ABCC4: variants seen among roughly 807,000 people sequenced by gnomAD.
ABCC4 encodes ATP binding cassette subfamily C member 4 (PEL blood group), also known as ATP-binding cassette sub-family C member 4.
In ABCC4, 102 loss-of-function variants were observed where a neutral mutation model predicts 168.5. The observed-to-expected ratio is 0.61, with a 90% CI of 0.52 to 0.71. The LOEUF is 0.71. Ranked by LOEUF, ABCC4 falls within the 30% of genes least tolerant of loss-of-function variation. ABCC4 has a pLI of 0.00. For synonymous variants in ABCC4, 617 were observed against 590.7 expected (o/e 1.04, Z -0.65); for missense variants, 1,402 against 1,605.8 (o/e 0.87, Z 2.17).
Position 95,034,674 on chromosome 13 carries a change from G to C in ABCC4, c.3801C>G (p.Ser1267Arg). ...GTTGTTGCACCATCTTGTAAAATAG[G>C]CTCTCTTTATTTTGCAGCAAAACAT... Reference protein sequence around the residue: ...EPYVLLQNKESLFYKMVQQLG... With the variant: ...EPYVLLQNKERLFYKMVQQLG... The change falls in exon 30 of 31, where the codon AGC (serine) becomes AGG (arginine). Residue 1267 changes from serine (S) to arginine (R), a missense_variant. Ser to Arg is a moderately radical substitution (Grantham distance 110). Coordinates refer to ENST00000645237, the MANE Select transcript of ABCC4 (RefSeq NM_005845.5). 2 of 1,614,174 alleles carry C rather than the reference G, an allele frequency of 1.2e-6. No homozygotes were observed. The highest frequency in any genetic ancestry group is 1.7e-6 in the Non-Finnish European group (2 of 1,180,036).
chr13:95,253,694 G>A (rs188819974), intron 1 of ABCC4, among the ~76,000 whole-genome samples: 29 of 151,630 alleles, frequency 1.9e-4, no homozygotes, highest in African/African-American at 6.3e-4. Context: ...GCAGTGAGCC[G>A]AGACTGCACA....
chr13:95,240,055 A>AG (rs919553520), intron 3 of ABCC4, among the ~76,000 whole-genome samples: 3 of 152,156 alleles, frequency 2.0e-5, no homozygotes, highest in South Asian at 2.1e-4. Context: ...CAAAGGGAGG[A>AG]GGGGGGAAAA....
At chr13:95,036,120 A>T (rs959970608) in intron 29 of ABCC4, among the ~76,000 whole-genome samples, 4 of 152,358 alleles carry the variant, frequency 2.6e-5, no homozygotes, top group African/African-American at 7.2e-5. Context: ...TTACTTAAGC[A>T]TAGCATTACA....
At chr13:95,159,656 G>A (rs147739726) in intron 19 of ABCC4, among the ~76,000 whole-genome samples, 91 of 152,308 alleles carry the variant, frequency 6.0e-4, no homozygotes, top group African/African-American at 1.3e-3. Context: ...GCAAAGTGGC[G>A]CAACGTTACA....
At position 95,172,422 on chromosome 13, in the gene ABCC4, T is replaced by C. The variant is rs558075646; in HGVS notation, c.1728-1794A>G. ...CCCATCTCCACTAAAAATACAAAAA[T>C]TAGCTGGATGTGGTCACCCATGCCT... On this transcript the variant is annotated intron_variant, in intron 13 of 30. Coordinates refer to ENST00000645237, the MANE Select transcript of ABCC4 (RefSeq NM_005845.5). Among the ~76,000 whole-genome samples, 4 of 151,966 alleles carry C rather than the reference T, an allele frequency of 2.6e-5. No homozygotes were observed. In the East Asian group the frequency reaches 7.7e-4, roughly 29 times the overall value.
Position 95,083,271 on chromosome 13 carries a change from C to G in ABCC4, c.2555G>C (p.Gly852Ala). ...CACGGCCACAGCCACAGAGACCACA[C>G]CAACCACTTGTAGCAATGTCTGAAA... ...DFIQTLLQVV[G>A]VVSVAVAVIP... The change falls in exon 21 of 31, where the codon GGT becomes GCT. Residue 852 changes from glycine to alanine, a missense_variant. By Grantham distance (60) the Gly-to-Ala change is moderately conservative. Around this residue, in one of 3 missense-constraint regions of ABCC4, gnomAD observed 1,007 missense variants for 1,127.3 expected, o/e 0.89. Coordinates refer to ENST00000645237, the MANE Select transcript of ABCC4 (RefSeq NM_005845.5). 6.2e-7 allele frequency: 1 copy of G among 1,613,944 alleles called. No homozygotes were observed. The highest frequency in any genetic ancestry group is 8.5e-7 in the Non-Finnish European group (1 of 1,179,888).
At chr13:95,152,762 A>C (rs2036731117) in intron 19 of ABCC4, among the ~76,000 whole-genome samples, 1 of 152,178 alleles carries the variant, frequency 6.6e-6, no homozygotes, top group Non-Finnish European at 1.5e-5. Context: ...ATGGAATAAG[A>C]AAACTCCAAT....
At chr13:95,210,541 C>T (rs2038923977) in intron 5 of ABCC4, 151 bp downstream of exon 5, 1 of 634,030 alleles carries the variant, frequency 1.6e-6, no homozygotes, top group Admixed American at 2.9e-5. Context: ...GATCGCACAT[C>T]ACTTGAGCCC....
At chr13:95,109,511 G>GTCCTTTGCTCTATGTCCTTTTGCTC (rs1365735744) in intron 20 of ABCC4, among the ~76,000 whole-genome samples, 1 of 152,118 alleles carries the variant, frequency 6.6e-6, no homozygotes, top group Admixed American at 6.5e-5. Flanking sequence ...TTTGCTCTTT[G>GTCCTTTGCTCTATGTCCTTTTGCTC]TATGTCCTTT....
intron 19 of ABCC4, among the ~76,000 whole-genome samples, chr13:95,143,392 T>A (rs1253356484): frequency 6.6e-6 from 1 of 152,218 alleles, no homozygotes. Flanking sequence ...ATAGCCTACA[T>A]GAAATGTTCT....
At chr13:95,189,151 T>TGG (rs2038170114) in intron 9 of ABCC4, among the ~76,000 whole-genome samples, 7 of 110,446 alleles carry the variant, frequency 6.3e-5, no homozygotes, top group Non-Finnish European at 3.7e-5. Flanking sequence ...TTTTTTTTTT[T>TGG]GAGACGGAGT....
intron 19 of ABCC4, among the ~76,000 whole-genome samples, chr13:95,116,992 T>C (rs2035400052): frequency 6.6e-6 from 1 of 152,148 alleles, no homozygotes; most frequent in Non-Finnish European, 1.5e-5. Flanking sequence ...CCATGAATGG[T>C]CAGAGGCTGT....
chr13:95,172,778 G>A (rs1386512373), intron 13 of ABCC4, among the ~76,000 whole-genome samples: 4 of 147,052 alleles, frequency 2.7e-5, no homozygotes, highest in East Asian at 2.0e-4. Context: ...AAAAAAACAC[G>A]AAACTTAGCC....
chr13:95,223,563 G>A (rs916944827), intron 4 of ABCC4, among the ~76,000 whole-genome samples: 38 of 152,154 alleles, frequency 2.5e-4, no homozygotes, highest in African/African-American at 8.4e-4. Context: ...GTACAGTGGT[G>A]TGATCTCAGC....
intron 6 of ABCC4, among the ~76,000 whole-genome samples, chr13:95,208,608 CTTTTTTTTTTTTT>C (rs58749262): frequency 8.0e-5 from 6 of 74,636 alleles, no homozygotes; most frequent in South Asian, 5.5e-4. Flanking sequence ...AGCTGTATTT[CTTTTTTTTTTTTT>C]TTTTTTTTTT....
intron 13 of ABCC4, among the ~76,000 whole-genome samples, chr13:95,171,143 C>G (rs199671947): frequency 1.5e-5 from 2 of 132,422 alleles, no homozygotes; most frequent in African/African-American, 5.6e-5. Context: ...ATACTAGATA[C>G]GAAAACAAAT....
At position 95,146,725 on chromosome 13, in the gene ABCC4, T is replaced by C. The variant is rs543791584; in HGVS notation, c.2455+14464A>G. Among the ~76,000 whole-genome samples, 12 of 152,338 alleles carry C rather than the reference T, an allele frequency of 7.9e-5. No homozygotes were observed. The South Asian group carries it at 2.5e-3, about 32-fold the overall frequency. ...TGCAACAGATTTCTTGTTGCTTTGT[T>C]GCTACTGCAGATGAAACAAGACAAC... On this transcript the variant is annotated intron_variant, in intron 19 of 30. Coordinates refer to ENST00000645237, the MANE Select transcript of ABCC4 (RefSeq NM_005845.5).
In ABCC4 at chr13:95,043,601, A is replaced by G. The variant is rs930504215; in HGVS notation, c.3735+81T>C. The G allele has an allele frequency of 1.2e-5, 15 of 1,252,972 alleles. No homozygotes were observed. The Admixed American group carries it at 1.6e-4, about 13-fold the overall frequency. 77.6% of individuals were successfully genotyped at this position (1,252,972 alleles called of 1,614,324 possible). On this transcript the variant is annotated intron_variant, in intron 29 of 30. Coordinates refer to ENST00000645237, the MANE Select transcript of ABCC4 (RefSeq NM_005845.5). ...GAAAATTAACTTACTAGGGGTTTCT[A>G]TCAAGTTTTACAAGGAAGGAATAAA...
At chr13:95,219,384 A>G (rs781627316) in intron 4 of ABCC4, among the ~76,000 whole-genome samples, 45 of 152,336 alleles carry the variant, frequency 3.0e-4, no homozygotes, top group Non-Finnish European at 4.9e-4. Flanking sequence ...TGGGTAAAGA[A>G]GGGACAGTGA....
Sources: allele counts gnomAD v4.1 joint callset (sites outside exome capture counted in the v4.1 genomes callset), GRCh38; gene constraint gnomAD v4.1.1; regional missense constraint gnomAD v4.1.1; transcripts MANE v1.5; gene names NCBI Gene and HGNC (gene_info 2026-07-23, HGNC 2026-07-21).